UBR1: variants seen among roughly 807,000 people sequenced by gnomAD.
UBR1 encodes ubiquitin protein ligase E3 component n-recognin 1.
Under a neutral mutation model 242.1 loss-of-function variants are expected in UBR1, and 102 were observed. The ratio of observed to expected loss-of-function variants is 0.42; its 90% CI spans 0.36 to 0.50. UBR1 has a LOEUF of 0.50. UBR1 is among the 20% of genes least tolerant of loss of function. UBR1 has a pLI of 0.01. For synonymous variants in UBR1, 675 were observed against 684.8 expected (o/e 0.99, Z 0.22); for missense variants, 1,772 against 2,101.8 (o/e 0.84, Z 3.07).
At chr15:42,989,499 C>A (rs1280264250) in intron 34 of UBR1, among the ~76,000 whole-genome samples, 1 of 152,104 alleles carries the variant, frequency 6.6e-6, no homozygotes, top group Admixed American at 6.5e-5. Flanking sequence ...GATAGATAAA[C>A]AAGGATCACA....
At chr15:42,952,748 T>C (rs145670130) in intron 44 of UBR1, among the ~76,000 whole-genome samples, 2 of 152,346 alleles carry the variant, frequency 1.3e-5, no homozygotes, top group African/African-American at 4.8e-5. Flanking sequence ...GATTCACTGA[T>C]AGACTCCAGT....
chr15:43,052,798 G>C (rs1420735007), intron 12 of UBR1, among the ~76,000 whole-genome samples: 1 of 152,144 alleles, frequency 6.6e-6, no homozygotes, highest in African/African-American at 2.4e-5. Flanking sequence ...TGGTGTGTTA[G>C]GCCAGGTTTC....
At chr15:43,038,043 G>A (rs1250958365) in intron 16 of UBR1, 128 bp downstream of exon 16, 4 of 1,230,288 alleles carry the variant, frequency 3.3e-6, no homozygotes, top group African/African-American at 1.5e-5. Flanking sequence ...TGTACTATAT[G>A]AAGATGTAAA....
At chr15:43,042,077 C>A (rs777034437) in intron 15 of UBR1, among the ~76,000 whole-genome samples, 1 of 151,954 alleles carries the variant, frequency 6.6e-6, no homozygotes, top group East Asian at 1.9e-4. Context: ...CTAGTGCATG[C>A]GGGTGGGAAT....
chr15:43,006,101 A>G (rs952432716), intron 30 of UBR1, among the ~76,000 whole-genome samples: 21 of 146,558 alleles, frequency 1.4e-4, no homozygotes, highest in African/African-American at 5.5e-4. Flanking sequence ...TAAAAAAAAA[A>G]AAAAGAAAAA....
rs752109667 is a variant in UBR1 at position 43,007,272 on chromosome 15, G to T, written c.3222C>A (p.Val1074=). The T allele has an allele frequency of 1.2e-6, 2 of 1,614,108 alleles. No individual in the cohort carries two copies. Among genetic ancestry groups the T allele is most frequent in the South Asian group, 1.1e-5 (1 of 91,066 alleles). The change falls in exon 30 of 47, where the codon GTC becomes GTA. Residue 1074 remains valine, a synonymous_variant. Coordinates refer to ENST00000290650, the MANE Select transcript of UBR1 (RefSeq NM_174916.3). ...SIMEEESTPA[V]SDYSRIALGP... ...CCAAAGCAATTCTAGAGTAGTCACT[G>T]ACTGCTGGGGTGCTACCAAAAGAAA...
intron 1 of UBR1, among the ~76,000 whole-genome samples, chr15:43,104,428 T>G (rs1206367031): frequency 6.6e-6 from 1 of 152,206 alleles, no homozygotes; most frequent in East Asian, 1.9e-4. Flanking sequence ...TCAGTTGCTT[T>G]TAAATTTGTC....
intron 6 of UBR1, among the ~76,000 whole-genome samples, chr15:43,060,921 C>G (rs1254546530): frequency 7.0e-6 from 1 of 143,846 alleles, no homozygotes; most frequent in Non-Finnish European, 1.5e-5. Flanking sequence ...ACTAATTACA[C>G]CAGTAAGGTT....
At chr15:42,948,295 G>A (rs1379284242) in intron 46 of UBR1, among the ~76,000 whole-genome samples, 2 of 151,746 alleles carry the variant, frequency 1.3e-5, no homozygotes, top group African/African-American at 4.8e-5. Context: ...ATGGATTAAA[G>A]ACTTAAACGT....
At chr15:42,988,741 G>A in intron 35 of UBR1, 78 bp downstream of exon 35, 1 of 1,580,916 alleles carries the variant, frequency 6.3e-7, no homozygotes, top group Non-Finnish European at 8.7e-7. Flanking sequence ...GGCCATCAGT[G>A]AAAAAAAGAA....
At position 43,036,271 on chromosome 15, in the gene UBR1, T is replaced by C; in HGVS notation, c.2097A>G (p.Ala699=). The C allele has an allele frequency of 6.2e-7, 1 of 1,612,808 alleles. No homozygotes were observed. The highest frequency in any genetic ancestry group is 1.7e-4 in the Middle Eastern group (1 of 6,054). Reference sequence around the variant, plus strand: ...AGAACTTATTGGGATCCATTAAAGATGCACCAATCTGTGAAAGAAATCCAG... The same window carrying C: ...AGAACTTATTGGGATCCATTAAAGACGCACCAATCTGTGAAAGAAATCCAG... The part of the protein sequence containing the change: ...DKDIIMLQIG[A]SLMDPNKFLL... Residue 699 remains alanine (A), a synonymous_variant, in exon 19 of 47, where the codon GCA becomes GCG. Coordinates refer to ENST00000290650, the MANE Select transcript of UBR1 (RefSeq NM_174916.3).
At position 42,963,962 on chromosome 15, in the gene UBR1, C is replaced by A; in HGVS notation, c.4673G>T (p.Trp1558Leu). 6.2e-7 allele frequency: 1 copy of A among 1,613,146 alleles called. No homozygotes were observed. The highest frequency in any genetic ancestry group is 1.1e-5 in the South Asian group (1 of 91,050). The change falls in exon 42 of 47, where the codon TGG (tryptophan) becomes TTG (leucine). Residue 1558 changes from tryptophan (W) to leucine (L), a missense_variant. This residue lies in a region of UBR1 where 965 missense variants were observed against 1,079.7 expected (regional missense o/e 0.89). Transcript: ENST00000290650. ...CTGGAGCAAGGGCCTTACAGTATCCCAATATTCCTGGAAGAGCAGGAACAA... is the reference window on the plus strand; with the variant it reads ...CTGGAGCAAGGGCCTTACAGTATCCAAATATTCCTGGAAGAGCAGGAACAA... Reference protein sequence around the residue: ...TNLFLLFQEYWDTVRPLLQRW... With the variant: ...TNLFLLFQEYLDTVRPLLQRW...
intron 1 of UBR1, among the ~76,000 whole-genome samples, chr15:43,100,402 C>A (rs539051054): frequency 6.6e-6 from 1 of 152,124 alleles, no homozygotes; most frequent in Non-Finnish European, 1.5e-5. Flanking sequence ...CCTAACATGC[C>A]GGCTCATTCC....
chr15:43,060,159 A>G (rs1243923253), intron 6 of UBR1, 45 bp from the exon 7 acceptor site: 1 of 1,569,136 alleles, frequency 6.4e-7, no homozygotes, highest in Non-Finnish European at 8.8e-7. Context: ...AATGATAACC[A>G]CAATCAATAA....
At chr15:42,965,655 CG>C (rs1194218592) in intron 41 of UBR1, among the ~76,000 whole-genome samples, 16 of 151,902 alleles carry the variant, frequency 1.1e-4, no homozygotes, top group Admixed American at 7.9e-4. Flanking sequence ...TTAGTAGAGA[CG>C]GGGTTTCACC....
Position 42,984,962 on chromosome 15 carries a change from T to C in UBR1, c.3998-20A>G, listed in dbSNP as rs1423104890. ...GATTTTCTCAAAGAATAAAAAAAAA[T>C]AAAAATAATAAATCCTGAATAGTGC... On this transcript the variant is annotated intron_variant, in intron 35 of 46. Transcript: ENST00000290650. The C allele has an allele frequency of 1.9e-6, 3 of 1,543,292 alleles. No individual in the cohort carries two copies. The highest frequency in any genetic ancestry group is 2.7e-6 in the Non-Finnish European group (3 of 1,119,994).
intron 3 of UBR1, among the ~76,000 whole-genome samples, chr15:43,076,358 G>A (rs1487502212): frequency 6.6e-6 from 1 of 152,122 alleles, no homozygotes; most frequent in Admixed American, 6.5e-5. Context: ...CGCCTGCCTT[G>A]GCCTCCCAAA....
chr15:43,038,266 A>G, intron 15 of UBR1, 34 bp from the exon 16 acceptor site: 1 of 1,605,284 alleles, frequency 6.2e-7, no homozygotes, highest in Non-Finnish European at 8.5e-7. Context: ...AAAATGAGAA[A>G]ACAAACCCAA....
rs762423462 is a variant in UBR1 at position 43,037,820 on chromosome 15, C to T, written c.1975G>A (p.Val659Ile). The change falls in exon 17 of 47, where the codon GTT (valine) becomes ATT (isoleucine). Residue 659 changes from valine to isoleucine, a missense_variant. This residue lies in a region of UBR1 where 734 missense variants were observed against 893.3 expected (regional missense o/e 0.82). Transcript: ENST00000290650. ...PLRCLVLVAQ[V>I]VAEMWRRNGL... is the part of the protein sequence containing the mutation. Reference sequence around the variant, plus strand: ...TTTCTTCGCCACATCTCAGCAACAACCTGGGCAACCAACACCAGACAACGT... The same window carrying T: ...TTTCTTCGCCACATCTCAGCAACAATCTGGGCAACCAACACCAGACAACGT... The T allele has an allele frequency of 6.2e-7, 1 of 1,614,134 alleles. No homozygotes were observed. Among genetic ancestry groups the T allele is most frequent in the African/African-American group, 1.3e-5 (1 of 75,044 alleles).
Sources: allele counts gnomAD v4.1 joint callset (sites outside exome capture counted in the v4.1 genomes callset), GRCh38; gene constraint gnomAD v4.1.1; regional missense constraint gnomAD v4.1.1; transcripts MANE v1.5; gene names NCBI Gene and HGNC (gene_info 2026-07-23, HGNC 2026-07-21).